ZNF117: variants seen among roughly 807,000 people sequenced by gnomAD.
ZNF117 encodes Krueppel-related zinc finger protein.
In ZNF117, 37 loss-of-function variants were observed where a neutral mutation model predicts 41.2. The ratio of observed to expected loss-of-function variants is 0.90; its 90% CI spans 0.69 to 1.18. The LOEUF is 1.18. Among genes scored for constraint, ZNF117 ranks in the 50% most tolerant of loss-of-function variants. The pLI, the probability that ZNF117 is intolerant of heterozygous loss-of-function variation, is 0.00. For synonymous variants in ZNF117, 186 were observed against 186.6 expected, an observed-to-expected ratio of 1.00 and a Z score of 0.02; for missense variants, 546 against 557.5, an observed-to-expected ratio of 0.98 and a Z score of 0.21.
At chr7:64,977,453 GAA>G in exon 3 of ZNF117, 1 of 467,554 alleles carries the variant, frequency 2.1e-6, no homozygotes, top group Non-Finnish European at 4.3e-6. Context: ...AGCATCGACT[GAA>G]AGTTTTGCCA....
At chr7:64,976,167 C>T (rs1301041105) in exon 3 of ZNF117, 1 of 152,132 alleles carries the variant, frequency 6.6e-6, no homozygotes, top group Non-Finnish European at 1.5e-5. Context: ...ATTTGTCAGG[C>T]ACAGTGACTC....
At chr7:64,975,742 A>G (rs1785872422) in exon 3 of ZNF117, 1 of 152,156 alleles carries the variant, frequency 6.6e-6, no homozygotes, top group Non-Finnish European at 1.5e-5. Context: ...TAATTTATCT[A>G]CCAACTTTAA....
exon 3 of ZNF117, chr7:64,978,476 T>A: frequency 6.2e-7 from 1 of 1,613,668 alleles, no homozygotes; most frequent in Non-Finnish European, 8.5e-7. Context: ...CTTTGCCACA[T>A]TCTCCACATT....
chr7:64,984,374 C>G (rs73365351), upstream of ZNF117, among the ~76,000 whole-genome samples: 1 of 152,138 alleles, frequency 6.6e-6, no homozygotes, highest in South Asian at 2.1e-4. Context: ...TCAAGTGACC[C>G]GCCTGCCTGG....
exon 3 of ZNF117, chr7:64,978,514 C>G (rs879069559): frequency 6.3e-7 from 1 of 1,591,750 alleles, no homozygotes; most frequent in Admixed American, 1.7e-5. Context: ...GTATGAATTA[C>G]CTTATGTCTA....
Position 64,975,905 on chromosome 7 carries a change from T to C in ZNF117, c.*2214A>G, listed in dbSNP as rs563645092. The C allele has an allele frequency of 2.0e-5, 3 of 152,312 alleles. No individual in the cohort carries two copies. In the South Asian group the frequency reaches 6.2e-4, roughly 32 times the overall value. 9.4% of individuals were successfully genotyped at this position (152,312 alleles called of 1,614,324 possible). ...ACTTACTGCATCTGCAAAAATATAT[T>C]TTAGTATAAATCCCCTGGTGTTTTC... is the stretch of plus-strand genomic sequence containing the variant. On this transcript the variant is annotated 3_prime_UTR_variant, in exon 3 of 3. Coordinates refer to ENST00000620222, the Ensembl canonical transcript of ZNF117.
Position 64,977,133 on chromosome 7 carries a change from T to A in ZNF117, c.*986A>T, listed in dbSNP as rs180913108. 5.4e-4 allele frequency: 267 copies of A among 493,142 alleles called. 1 individual carries two copies. Among genetic ancestry groups the A allele is most frequent in the African/African-American group, 5.0e-3 (252 of 50,462 alleles). The allele number at this position is 493,142 out of a possible 1,614,324, so 30.5% of individuals were successfully genotyped here. On this transcript the variant is annotated 3_prime_UTR_variant, in exon 3 of 3. Transcript: ENST00000620222. ...GAACTGTTTAAAAGCTTTACCACAT[T>A]CTTTACATTTGTACAGTTTCTCTCC... is the stretch of plus-strand genomic sequence containing the variant.
At chr7:64,983,540 G>A (rs1388981868), upstream of ZNF117, among the ~76,000 whole-genome samples, 4 of 152,160 alleles carry the variant, frequency 2.6e-5, no homozygotes, top group Admixed American at 1.3e-4. Flanking sequence ...CATTCCAGGA[G>A]GCAGAGTGGA....
exon 3 of ZNF117, chr7:64,976,440 T>TGA (rs1316143367): frequency 2.7e-5 from 4 of 149,758 alleles, no homozygotes; most frequent in African/African-American, 7.6e-5. Flanking sequence ...AGACTCCATC[T>TGA]AAAAAAAAAA....
chr7:64,975,857 AT>A (rs1785875311), exon 3 of ZNF117: 1 of 152,152 alleles, frequency 6.6e-6, no homozygotes, highest in Admixed American at 6.6e-5. Context: ...CACACACTTA[AT>A]TTTGGATTAA....
chr7:64,986,992 T>C (rs1016679841), upstream of ZNF117, among the ~76,000 whole-genome samples: 15 of 152,282 alleles, frequency 9.9e-5, no homozygotes, highest in Admixed American at 7.2e-4. Flanking sequence ...CAATATAATA[T>C]ACATTCTTCT....
upstream of ZNF117, among the ~76,000 whole-genome samples, chr7:64,986,657 T>C (rs1279554906): frequency 6.6e-6 from 1 of 152,218 alleles, no homozygotes; most frequent in Non-Finnish European, 1.5e-5. Flanking sequence ...GGGAGTCATG[T>C]AACTTTTCAT....
intron 2 of ZNF117, 132 bp downstream of exon 3, chr7:64,981,255 T>TTAA: frequency 8.8e-7 from 1 of 1,132,142 alleles, no homozygotes; most frequent in Non-Finnish European, 1.3e-6. Context: ...GAGAGAAAAA[T>TTAA]AAAAAAAAAC....
chr7:64,978,603 T>A, exon 3 of ZNF117: 1 of 1,612,680 alleles, frequency 6.2e-7, no homozygotes, highest in Non-Finnish European at 8.5e-7. Context: ...AATTTTTTTA[T>A]GGTCAGTAAG....
At chr7:64,988,005 C>T (rs1250159290) in intron 1 of ZNF117, among the ~76,000 whole-genome samples, 1 of 152,076 alleles carries the variant, frequency 6.6e-6, no homozygotes, top group Non-Finnish European at 1.5e-5. Flanking sequence ...GAGAGATTCA[C>T]AACTGAATTC....
chr7:64,981,464 G>T (rs1428901173), exon 2 of ZNF117: 1 of 1,606,610 alleles, frequency 6.2e-7, no homozygotes, highest in Non-Finnish European at 8.5e-7. Flanking sequence ...AATCAGGTCT[G>T]GCTTAGAGAC....
At chr7:64,985,129 TA>T (rs1374033412), upstream of ZNF117, among the ~76,000 whole-genome samples, 1 of 152,220 alleles carries the variant, frequency 6.6e-6, no homozygotes, top group Non-Finnish European at 1.5e-5. Context: ...GGATTCAAAG[TA>T]AATATTGTAG....
At chr7:64,986,637 C>CA (rs570544359), upstream of ZNF117, among the ~76,000 whole-genome samples, 305 of 152,136 alleles carry the variant, frequency 2.0e-3, no homozygotes, top group Non-Finnish European at 3.0e-3. Context: ...TTCTTGTGGG[C>CA]AAAATATGAG....
At chr7:64,979,173 C>A in exon 3 of ZNF117, 1 of 1,605,946 alleles carries the variant, frequency 6.2e-7, no homozygotes, top group African/African-American at 1.3e-5. Flanking sequence ...GAAATTCACT[C>A]TAGTTTGGAT....
Sources: gnomAD v4.1 joint callset for allele counts (sites outside exome capture counted in the v4.1 genomes callset) on GRCh38, gnomAD v4.1.1 for gene constraint, MANE v1.5 for transcripts, NCBI Gene and HGNC (gene_info 2026-07-23, HGNC 2026-07-21) for gene names.